SLC4A1: variants seen among roughly 807,000 people sequenced by gnomAD.
The protein encoded by SLC4A1 is solute carrier family 4 member 1 (Diego blood group).
A neutral mutation model predicts 93.1 loss-of-function variants in SLC4A1; 29 were observed. The observed-to-expected ratio is 0.31, with a 90% CI of 0.23 to 0.42. The LOEUF (loss-of-function observed/expected upper bound fraction) is 0.42, where lower values mean the gene tolerates loss of function less well. Ranked by LOEUF, SLC4A1 falls within the 20% of genes least tolerant of loss-of-function variation. The probability of loss-of-function intolerance (pLI) is 1.00; values close to 1 mark genes in which losing one functional copy is unlikely to be tolerated. For synonymous variants in SLC4A1, 469 were observed against 497.2 expected, an observed-to-expected ratio of 0.94 and a Z score of 0.76; for missense variants, 965 against 1,190.1, an observed-to-expected ratio of 0.81 and a Z score of 2.78.
intron 3 of SLC4A1, among the ~76,000 whole-genome samples, chr17:44,262,304 C>T (rs75323010): frequency 0.1 from 15,536 of 152,256 alleles, 876 homozygotes; most frequent in Non-Finnish European, 0.11. Context: ...CTCAGGACCT[C>T]TTTCCCCAAG....
rs372690079 is a variant in SLC4A1 at position 44,255,397 on chromosome 17, G to T, written c.1801-101C>A. On this transcript the variant is annotated intron_variant, in intron 14 of 19. Transcript: ENST00000262418. ...ACCCACGGGGCCCTGCTCTTCCAGGGGATCCATCAGCATCTAATGCCCTGT... is the reference window on the plus strand; with the variant it reads ...ACCCACGGGGCCCTGCTCTTCCAGGTGATCCATCAGCATCTAATGCCCTGT... 3.5e-5 allele frequency: 31 copies of T among 887,720 alleles called. 1 individual carries two copies. The highest frequency in any genetic ancestry group is 1.6e-4 in the East Asian group (6 of 37,818). 55.0% of individuals were successfully genotyped at this position (887,720 alleles called of 1,614,324 possible). A position where few individuals can be genotyped will look rare whatever the true frequency, so the allele number is the denominator to read the frequency against.
rs756487315 is a variant in SLC4A1, at chr17:44,251,420, C to T, written c.2480G>A (p.Arg827Gln). Reference sequence around the variant, plus strand: ...GGCAGCCAGAAAAGGGTCCTGTACCCGCTTGACGTAGGGCACATCTGGGTG... The same window carrying T: ...GGCAGCCAGAAAAGGGTCCTGTACCTGCTTGACGTAGGGCACATCTGGGTG... ...KYHPDVPYVK[R>Q]VKTWRMHLFT... Residue 827 changes from arginine (R) to glutamine (Q), a missense_variant and splice_region_variant, in exon 18 of 20, where the codon CGG becomes CAG. Coordinates refer to ENST00000262418, the MANE Select transcript of SLC4A1 (RefSeq NM_000342.4). The T allele has an allele frequency of 6.2e-6, 10 of 1,614,250 alleles. No homozygotes were observed. The highest frequency in any genetic ancestry group is 2.7e-5 in the African/African-American group (2 of 75,080).
chr17:44,260,655 A>T lies in SLC4A1; in HGVS notation c.329T>A (p.Leu110Gln). The change falls in exon 5 of 20, where the codon CTG (leucine) becomes CAG (glutamine). Residue 110 changes from leucine to glutamine, a missense_variant. By Grantham distance (113) the Leu-to-Gln change is moderately radical (BLOSUM62 -2). This residue lies in a region of SLC4A1 where 195 missense variants were observed against 183.5 expected (regional missense o/e 1.06). Coordinates refer to ENST00000262418, the MANE Select transcript of SLC4A1 (RefSeq NM_000342.4). ...SHLTFWSLLE[L>Q]RRVFTKGTVL... is the part of the protein sequence containing the mutation. ...CTCACCCTTGGTGAAGACTCTACGC[A>T]GCTCTAGGAGGCTCCAGAAGGTGAG... The T allele has an allele frequency of 6.2e-7, 1 of 1,614,138 alleles. No homozygotes were observed.
Position 44,255,611 on chromosome 17 carries a change from G to T in SLC4A1, c.1800+62C>A, listed in dbSNP as rs1000118471. ...CTAAGGGCACTGAGGAATTTGGAGC[G>T]GGGGGGCTTTGGGCTGGGATAGGGC... On this transcript the variant is annotated intron_variant, in intron 14 of 19. Transcript: ENST00000262418. The T allele has an allele frequency of 5.3e-6, 8 of 1,521,936 alleles. No homozygotes were observed. In the Admixed American group the frequency reaches 1.2e-4, roughly 22 times the overall value. The allele number at this position is 1,521,936 out of a possible 1,614,324, so 94.3% of individuals were successfully genotyped here.
In SLC4A1 at chr17:44,258,494, C is replaced by T; in HGVS notation, c.1006G>A (p.Val336Met). ...CGAAGTAGCTCCCTCTGCACAGGCA[C>T]CAGACTGAGCAGTGCCTGCTCGGAG... ...APSEQALLSL[V>M]PVQRELLRRR... The change falls in exon 10 of 20, where the codon GTG (valine) becomes ATG (methionine). Residue 336 changes from valine (V) to methionine (M), a missense_variant. Val to Met is a conservative substitution (Grantham distance 21, BLOSUM62 1). Coordinates refer to ENST00000262418, the MANE Select transcript of SLC4A1 (RefSeq NM_000342.4). The surrounding 1 kb of genome is among the most constrained non-coding windows in gnomAD (Gnocchi z 6.1). The T allele has an allele frequency of 6.2e-7, 1 of 1,613,988 alleles. No homozygotes were observed. Among genetic ancestry groups the T allele is most frequent in the Non-Finnish European group, 8.5e-7 (1 of 1,179,984 alleles).
At chr17:44,259,402 G>A (rs2047421287) in intron 8 of SLC4A1, 58 bp from the exon 9 acceptor site, 15 of 1,608,926 alleles carry the variant, frequency 9.3e-6, no homozygotes, top group Non-Finnish European at 1.3e-5. Context: ...GTGTGCTGAA[G>A]AGATGGGGCT....
chr17:44,257,236 C>A, intron 13 of SLC4A1, 114 bp downstream of exon 13: 2 of 999,832 alleles, frequency 2.0e-6, no homozygotes, highest in Non-Finnish European at 3.2e-6. Context: ...GGGTGATCCA[C>A]CTGCCTCGGC....
chr17:44,258,150 T>A lies in SLC4A1; in HGVS notation c.1118A>T (p.Gln373Leu), dbSNP rs768475898. 2.0e-5 allele frequency: 32 copies of A among 1,613,866 alleles called. No individual in the cohort carries two copies. The highest frequency in any genetic ancestry group is 2.7e-5 in the Non-Finnish European group (32 of 1,179,994). Residue 373 changes from glutamine (Q) to leucine (L), a missense_variant, in exon 11 of 20, where the codon CAG becomes CTG. Physicochemically the swap from Gln to Leu is moderately radical, Grantham distance 113 (BLOSUM62 -2). Coordinates refer to ENST00000262418, the MANE Select transcript of SLC4A1 (RefSeq NM_000342.4). This position sits in a 1 kb window ranked among gnomAD's most constrained non-coding sequence, Gnocchi z 6.1. ...GCCCCCGAAGAGCTGGCCTGTCTGC[T>A]GCAGAGGGTCATCTGGGCCCCCATT... ...DLNGGPDDPLQQTGQLFGGLV... is the reference protein window; with the variant it reads ...DLNGGPDDPLLQTGQLFGGLV...
chr17:44,263,103 A>C (rs182643048), intron 1 of SLC4A1, among the ~76,000 whole-genome samples, 169 bp from the exon 2 acceptor site: 104 of 152,072 alleles, frequency 6.8e-4, no homozygotes, highest in Non-Finnish European at 1.3e-3. Flanking sequence ...TGCAGGTGTG[A>C]GGGTAGGTGA....
At position 44,254,541 on chromosome 17, in the gene SLC4A1, G is replaced by A. The variant is rs1456105061; in HGVS notation, c.2012C>T (p.Ala671Val). 1 of 1,613,710 alleles carries A rather than the reference G, an allele frequency of 6.2e-7. No individual in the cohort carries two copies. Among genetic ancestry groups the A allele is most frequent in the Non-Finnish European group, 8.5e-7 (1 of 1,179,764 alleles). ...GAATATGAGGATGAAGACCAGCAGA[G>A]CAGGCAGGGCGGAGGCAAACATCAT... ...IWMMFASALP[A>V]LLVFILIFLE... Residue 671 changes from alanine to valine, a missense_variant, in exon 16 of 20, where the codon GCT (alanine) becomes GTT (valine). Ala to Val is a moderately conservative substitution (Grantham distance 64). Coordinates refer to ENST00000262418, the MANE Select transcript of SLC4A1 (RefSeq NM_000342.4).
intron 13 of SLC4A1, 62 bp downstream of exon 13, chr17:44,257,288 G>A (rs1169242996): frequency 4.6e-6 from 7 of 1,537,422 alleles, no homozygotes; most frequent in South Asian, 2.2e-5. Context: ...CCTCGCACCC[G>A]GCCACTGTCT....
intron 4 of SLC4A1, 106 bp downstream of exon 4, chr17:44,261,469 T>TC: frequency 6.3e-7 from 1 of 1,574,920 alleles, no homozygotes; most frequent in South Asian, 1.1e-5. Context: ...CTGCAGGGTC[T>TC]CCCCCAGCCT....
intron 1 of SLC4A1, 50 bp from the exon 2 acceptor site, chr17:44,262,984 C>G: frequency 6.6e-7 from 1 of 1,506,048 alleles, no homozygotes; most frequent in South Asian, 1.1e-5. Context: ...CCCAGGGTCT[C>G]CTGGTCCTCC....
At chr17:44,259,953 A>G in intron 6 of SLC4A1, 21 bp from the exon 7 acceptor site, 1 of 1,612,990 alleles carries the variant, frequency 6.2e-7, no homozygotes. Context: ...TACAGGGGAC[A>G]TGGGCTGAGT....
chr17:44,256,611 G>T (rs1020708940), intron 13 of SLC4A1, among the ~76,000 whole-genome samples: 1 of 152,250 alleles, frequency 6.6e-6, no homozygotes, highest in Non-Finnish European at 1.5e-5. Context: ...ACAGGGGAGG[G>T]AGTGGGGGAC....
At position 44,268,120 on chromosome 17, in the gene SLC4A1, C is replaced by T. The variant is rs183529485; in HGVS notation, c.-135G>A. ...CGCTGGTGCCCTCTGCGACCAGCTA[C>T]GTTCCCACTCGTTCTGACAGCACCA... On this transcript the variant is annotated 5_prime_UTR_variant, in exon 1 of 20. Coordinates refer to ENST00000262418, the MANE Select transcript of SLC4A1 (RefSeq NM_000342.4). 1,678 of 985,398 alleles carry T rather than the reference C, an allele frequency of 1.7e-3. 8 individuals are homozygous for T. In the Middle Eastern group the frequency reaches 0.024, roughly 14 times the overall value. 61.0% of individuals were successfully genotyped at this position (985,398 alleles called of 1,614,324 possible).
intron 1 of SLC4A1, among the ~76,000 whole-genome samples, chr17:44,267,015 A>C (rs962498379): frequency 1.3e-5 from 2 of 152,182 alleles, no homozygotes; most frequent in African/African-American, 2.4e-5. Flanking sequence ...GGATTCTAAG[A>C]GGAAGAAGAG....
rs566850650 is a variant in SLC4A1 at position 44,250,284 on chromosome 17, A to C, written c.*174T>G. On this transcript the variant is annotated 3_prime_UTR_variant, in exon 20 of 20. Transcript: ENST00000262418. Reference sequence around the variant, plus strand: ...CATCCCCAGCCAGAAAAGCCAGGCTACCCTTTGTGGAAGGTCTCCTGGACA... The same window carrying C: ...CATCCCCAGCCAGAAAAGCCAGGCTCCCCTTTGTGGAAGGTCTCCTGGACA... 3 of 623,600 alleles carry C rather than the reference A, an allele frequency of 4.8e-6. No individual in the cohort carries two copies. The highest frequency in any genetic ancestry group is 8.7e-6 in the Non-Finnish European group (3 of 343,514). 38.6% of individuals were successfully genotyped at this position (623,600 alleles called of 1,614,324 possible).
chr17:44,259,771 C>G (rs749252632), intron 7 of SLC4A1, 38 bp downstream of exon 7: 1 of 1,613,432 alleles, frequency 6.2e-7, no homozygotes, highest in Non-Finnish European at 8.5e-7. Context: ...TCTCCTTGCC[C>G]CACCCTGACC....
Sources: allele counts gnomAD v4.1 joint callset (sites outside exome capture counted in the v4.1 genomes callset), GRCh38; gene constraint gnomAD v4.1.1; regional missense constraint gnomAD v4.1.1; non-coding constraint Gnocchi (gnomAD v3.1); transcripts MANE v1.5; gene names NCBI Gene and HGNC (gene_info 2026-07-23, HGNC 2026-07-21).